ARMC8: variants seen among roughly 807,000 people sequenced by gnomAD.
ARMC8 encodes the protein armadillo repeat containing 8, also known as armadillo repeat-containing protein 8.
Under a neutral mutation model 99.3 loss-of-function variants are expected in ARMC8, and 20 were observed. That is an observed-to-expected ratio of 0.20 (90% CI 0.14 to 0.29). The LOEUF (loss-of-function observed/expected upper bound fraction) is 0.29, where lower values mean the gene tolerates loss of function less well. ARMC8 is among the 10% of genes least tolerant of loss of function. The probability of loss-of-function intolerance (pLI) is 1.00; values close to 1 mark genes in which losing one functional copy is unlikely to be tolerated. For missense variants in ARMC8, 569 were observed against 809.5 expected, an observed-to-expected ratio of 0.70 and a Z score of 3.60; for synonymous variants, 263 against 278.3, an observed-to-expected ratio of 0.95 and a Z score of 0.55.
intron 18 of ARMC8, 92 bp downstream of exon 18, chr3:138,274,636 G>A: frequency 1.1e-6 from 1 of 915,166 alleles, no homozygotes; most frequent in Non-Finnish European, 1.7e-6. Flanking sequence ...ATCTGCAGAA[G>A]ACAGAGTGCT....
chr3:138,287,085 A>G (rs1268802780), intron 19 of ARMC8, among the ~76,000 whole-genome samples: 1 of 152,200 alleles, frequency 6.6e-6, no homozygotes, highest in Non-Finnish European at 1.5e-5. Flanking sequence ...ATATAACAGT[A>G]TCTTCCTTGA....
At chr3:138,283,160 C>T (rs1352901467) in intron 18 of ARMC8, among the ~76,000 whole-genome samples, 2 of 152,236 alleles carry the variant, frequency 1.3e-5, no homozygotes, top group African/African-American at 2.4e-5. Context: ...TTTCACACCT[C>T]AGGACTTACT....
intron 12 of ARMC8, among the ~76,000 whole-genome samples, chr3:138,253,856 A>T (rs1245585670): frequency 1.3e-5 from 2 of 152,206 alleles, no homozygotes; most frequent in African/African-American, 4.8e-5. Context: ...AAGTCTGTCC[A>T]CACTGAAAGC....
chr3:138,232,478 A>G (rs1009229982), intron 6 of ARMC8, among the ~76,000 whole-genome samples: 1 of 152,208 alleles, frequency 6.6e-6, no homozygotes, highest in Non-Finnish European at 1.5e-5. Context: ...AATATAACTT[A>G]GAAAGAATAT....
intron 12 of ARMC8, chr3:138,245,458 T>C: frequency 2.2e-6 from 3 of 1,355,508 alleles, no homozygotes; most frequent in Non-Finnish European, 2.8e-6. Context: ...TGCACATTTT[T>C]GCATGTGTTC....
At chr3:138,245,348 G>A in intron 12 of ARMC8, 165 bp downstream of exon 12, 4 of 1,476,972 alleles carry the variant, frequency 2.7e-6, no homozygotes, top group Non-Finnish European at 3.6e-6. Context: ...GATTTGGGGG[G>A]TTGTTTGTTT....
chr3:138,200,451 A>G (rs988152530), intron 1 of ARMC8, among the ~76,000 whole-genome samples: 6 of 152,192 alleles, frequency 3.9e-5, no homozygotes, highest in African/African-American at 1.4e-4. Flanking sequence ...GGTACAAAAC[A>G]TATTTTGTGT....
chr3:138,284,564 C>A, intron 19 of ARMC8, 38 bp downstream of exon 19: 1 of 1,423,076 alleles, frequency 7.0e-7, no homozygotes, highest in Non-Finnish European at 9.9e-7. Flanking sequence ...GATTAGAATG[C>A]AGGGACTGTT....
chr3:138,208,521 C>G (rs1205551240), intron 1 of ARMC8, among the ~76,000 whole-genome samples: 1 of 152,162 alleles, frequency 6.6e-6, no homozygotes, highest in East Asian at 1.9e-4. Context: ...TATCAGAAAA[C>G]TAGAGTTTGT....
chr3:138,197,486 T>C (rs192234104), intron 1 of ARMC8, among the ~76,000 whole-genome samples: 1 of 152,352 alleles, frequency 6.6e-6, no homozygotes, highest in Admixed American at 6.5e-5. Context: ...ACTATTCTTA[T>C]GGGCCAGGAC....
At chr3:138,214,524 T>A (rs1032701404) in intron 2 of ARMC8, among the ~76,000 whole-genome samples, 3 of 152,222 alleles carry the variant, frequency 2.0e-5, no homozygotes, top group Admixed American at 2.0e-4. Flanking sequence ...GAGCTAAAGA[T>A]AAAGAGTTCC....
chr3:138,234,261 G>A (rs756773726), intron 6 of ARMC8, among the ~76,000 whole-genome samples: 11 of 152,006 alleles, frequency 7.2e-5, no homozygotes, highest in Admixed American at 2.0e-4. Context: ...ACAGGCATGC[G>A]CCACCAAACC....
chr3:138,251,066 A>G (rs1257674592), intron 12 of ARMC8, among the ~76,000 whole-genome samples: 2 of 151,998 alleles, frequency 1.3e-5, no homozygotes, highest in Non-Finnish European at 1.5e-5. Context: ...TGGGAGGTTC[A>G]CTTGAGCCCA....
intron 2 of ARMC8, 119 bp downstream of exon 2, chr3:138,210,012 T>C: frequency 1.6e-6 from 1 of 637,264 alleles, no homozygotes; most frequent in East Asian, 3.0e-5. Context: ...TTGGCTTCTT[T>C]CTAGAAAGAC....
chr3:138,291,823 T>C (rs1010848667), intron 21 of ARMC8, among the ~76,000 whole-genome samples: 13 of 152,048 alleles, frequency 8.5e-5, no homozygotes, highest in Non-Finnish European at 1.9e-4. Flanking sequence ...ACTTGGTATG[T>C]TCAAGAAACA....
intron 18 of ARMC8, 133 bp downstream of exon 18, chr3:138,274,677 A>C: frequency 1.5e-6 from 1 of 652,184 alleles, no homozygotes. Context: ...AATAGGAAGA[A>C]ATATCTTCCA....
intron 1 of ARMC8, among the ~76,000 whole-genome samples, chr3:138,200,904 C>CTTTT (rs34087212): frequency 7.9e-5 from 5 of 63,350 alleles, no homozygotes; most frequent in South Asian, 1.4e-3. Context: ...CTTCAGTGGG[C>CTTTT]TTTTTTTTTT....
chr3:138,239,627 GAT>G, intron 10 of ARMC8, 99 bp downstream of exon 10: 1 of 724,934 alleles, frequency 1.4e-6, no homozygotes, highest in East Asian at 3.0e-5. Flanking sequence ...TTATCATTAT[GAT>G]ATATGTGCAT....
chr3:138,267,276 A>C, intron 15 of ARMC8, 35 bp downstream of exon 15: 1 of 1,313,072 alleles, frequency 7.6e-7, no homozygotes, highest in Non-Finnish European at 1.1e-6. Flanking sequence ...GACTTTGCCC[A>C]GTCCAGCTAG....
Sources: gnomAD v4.1 joint callset for allele counts (sites outside exome capture counted in the v4.1 genomes callset) on GRCh38, gnomAD v4.1.1 for gene constraint, MANE v1.5 for transcripts, NCBI Gene and HGNC (gene_info 2026-07-23, HGNC 2026-07-21) for gene names.